TRPS1: variants seen among roughly 807,000 people sequenced by gnomAD.
TRPS1 encodes the protein zinc finger transcription factor Trps1.
TRPS1 carries 6 observed loss-of-function variants against 101.2 expected under a neutral mutation model. The ratio of observed to expected loss-of-function variants is 0.06; its 90% CI spans 0.03 to 0.12. The LOEUF (loss-of-function observed/expected upper bound fraction) is 0.12, where lower values mean the gene tolerates loss of function less well. Ranked by LOEUF, TRPS1 falls within the 10% of genes least tolerant of loss-of-function variation. The probability of loss-of-function intolerance (pLI) is 1.00; values close to 1 mark genes in which losing one functional copy is unlikely to be tolerated. For synonymous variants in TRPS1, 578 were observed against 589.8 expected, an observed-to-expected ratio of 0.98 and a Z score of 0.29; for missense variants, 1,363 against 1,567.0, an observed-to-expected ratio of 0.87 and a Z score of 2.20.
chr8:115,460,321 C>T (rs1814137755), intron 5 of TRPS1, among the ~76,000 whole-genome samples: 1 of 152,008 alleles, frequency 6.6e-6, no homozygotes, highest in African/African-American at 2.4e-5. Context: ...CACACACACA[C>T]ACACCCCACA....
At chr8:115,636,640 G>A (rs1421200121) in intron 1 of TRPS1, among the ~76,000 whole-genome samples, 2 of 152,184 alleles carry the variant, frequency 1.3e-5, no homozygotes, top group African/African-American at 2.4e-5. Context: ...TTGGCTGGGC[G>A]TGGTGGCTCA....
chr8:115,534,992 A>AATATATATAGCATATATATAGC (rs903695939), intron 5 of TRPS1, among the ~76,000 whole-genome samples: 2 of 149,770 alleles, frequency 1.3e-5, no homozygotes, highest in Non-Finnish European at 3.0e-5. Context: ...TTGGCATATA[A>AATATATATAGCATATATATAGC]ATATATATAG....
chr8:115,631,650 GAT>G (rs1308186572), intron 1 of TRPS1, among the ~76,000 whole-genome samples: 7 of 147,432 alleles, frequency 4.7e-5, no homozygotes, highest in African/African-American at 1.9e-4. Flanking sequence ...TGGATGGATG[GAT>G]GGATGGATGG....
rs1330149860 is a variant in TRPS1 at position 115,410,386 on chromosome 8, A to G, written c.*3637T>C. On this transcript the variant is annotated 3_prime_UTR_variant, in exon 7 of 7. Transcript: ENST00000395715. Reference sequence around the variant, plus strand: ...GATACTTTTTTCCCTTCTCATTAATATTACCTTAGAAAAGAATCCCCATGC... The same window carrying G: ...GATACTTTTTTCCCTTCTCATTAATGTTACCTTAGAAAAGAATCCCCATGC... 1 of 152,500 alleles carries G rather than the reference A, an allele frequency of 6.6e-6. No individual in the cohort carries two copies. Among genetic ancestry groups the G allele is most frequent in the East Asian group, 1.9e-4 (1 of 5,176 alleles). 9.4% of individuals were successfully genotyped at this position (152,500 alleles called of 1,614,324 possible).
intron 5 of TRPS1, among the ~76,000 whole-genome samples, chr8:115,575,049 C>T (rs1029276666): frequency 2.0e-5 from 3 of 152,092 alleles, no homozygotes; most frequent in Admixed American, 6.6e-5. Flanking sequence ...GTGACCTATG[C>T]TTGCCAATAA....
rs1018572347 is a variant in TRPS1, at chr8:115,578,946, T to C, written c.2700+8055A>G. ...CCCAAGTATTTATTAGCAAACCATA[T>C]TGAACCAAAAGAGGCTATGCAATGG... On this transcript the variant is annotated intron_variant, in intron 5 of 6. Transcript: ENST00000395715. Among the ~76,000 whole-genome samples the C allele has an allele frequency of 1.1e-4, 16 of 152,186 alleles. No individual in the cohort carries two copies. The East Asian group carries it at 2.7e-3, about 26-fold the overall frequency.
chr8:115,551,378 T>C (rs1029587497), intron 5 of TRPS1, among the ~76,000 whole-genome samples: 2 of 152,112 alleles, frequency 1.3e-5, no homozygotes, highest in African/African-American at 4.8e-5. Flanking sequence ...TTGCTCAAGT[T>C]GTGATAAATA....
chr8:115,629,078 G>C (rs1182990907), intron 1 of TRPS1, among the ~76,000 whole-genome samples: 1 of 151,698 alleles, frequency 6.6e-6, no homozygotes. Flanking sequence ...AGTGGGAAAG[G>C]CCACTCTAAG....
chr8:115,487,902 G>T (rs983113307), intron 5 of TRPS1, among the ~76,000 whole-genome samples: 1 of 152,204 alleles, frequency 6.6e-6, no homozygotes, highest in Non-Finnish European at 1.5e-5. Flanking sequence ...CAAAGAAGAG[G>T]TAGGGTTTGA....
chr8:115,619,292 T>C lies in TRPS1; in HGVS notation c.806A>G (p.Gln269Arg), dbSNP rs565046098. The stretch of plus-strand genomic sequence containing the variant: ...GATTTTGCTGTCCAGCTCAGCATCT[T>C]GCCTGGTGCGGTTATGCAGTCCTAA... ...YHLGLHNRTR[Q>R]DAELDSKILA... Residue 269 changes from glutamine (Q) to arginine (R), a missense_variant, in exon 3 of 7, where the codon CAA (glutamine) becomes CGA (arginine). Around this residue, in one of 5 missense-constraint regions of TRPS1, gnomAD observed 1,020 missense variants for 1,073.0 expected, o/e 0.95. Coordinates refer to ENST00000395715, the MANE Select transcript of TRPS1 (RefSeq NM_014112.5). 3.1e-6 allele frequency: 5 copies of C among 1,614,128 alleles called. No homozygotes were observed. Among genetic ancestry groups the C allele is most frequent in the African/African-American group, 1.3e-5 (1 of 75,056 alleles).
chr8:115,606,396 A>G (rs2130498171), intron 3 of TRPS1, among the ~76,000 whole-genome samples: 1 of 152,340 alleles, frequency 6.6e-6, no homozygotes, highest in East Asian at 1.9e-4. Context: ...AGAAATGTGC[A>G]TTAATATATA....
At chr8:115,631,860 C>T (rs1169044078) in intron 1 of TRPS1, among the ~76,000 whole-genome samples, 6 of 152,044 alleles carry the variant, frequency 3.9e-5, no homozygotes, top group Non-Finnish European at 5.9e-5. Flanking sequence ...CTCCTTATTT[C>T]GGCTGAAAAA....
intron 5 of TRPS1, among the ~76,000 whole-genome samples, chr8:115,456,223 A>G (rs1179775468): frequency 6.6e-6 from 1 of 152,198 alleles, no homozygotes; most frequent in Non-Finnish European, 1.5e-5. Flanking sequence ...TATAAAGTGG[A>G]GAAGTAAAAA....
chr8:115,513,703 GA>G (rs11345816), intron 5 of TRPS1, among the ~76,000 whole-genome samples: 151,522 of 151,522 alleles, frequency 1, 75,761 homozygotes, highest in Non-Finnish European at 1. Context: ...ATTTACTATA[GA>G]AAAAGGTTTG....
chr8:115,630,006 A>AC (rs1586474990), intron 1 of TRPS1, among the ~76,000 whole-genome samples: 1 of 151,868 alleles, frequency 6.6e-6, no homozygotes, highest in East Asian at 1.9e-4. Flanking sequence ...GCATTATTTT[A>AC]CCCCCAAAGA....
intron 5 of TRPS1, among the ~76,000 whole-genome samples, chr8:115,571,973 A>G (rs1319748827): frequency 1.3e-5 from 2 of 152,046 alleles, no homozygotes; most frequent in African/African-American, 2.4e-5. Context: ...ATATATTTAT[A>G]TATTTAAAAG....
At chr8:115,538,341 T>G (rs1816370510) in intron 5 of TRPS1, among the ~76,000 whole-genome samples, 1 of 152,228 alleles carries the variant, frequency 6.6e-6, no homozygotes, top group East Asian at 1.9e-4. Flanking sequence ...CTGTATATTA[T>G]TGCATAGTTA....
intron 5 of TRPS1, among the ~76,000 whole-genome samples, chr8:115,489,294 C>T (rs1814963378): frequency 1.3e-5 from 2 of 152,156 alleles, no homozygotes; most frequent in Admixed American, 1.3e-4. Flanking sequence ...TCCCATTATA[C>T]CAAACCAAAA....
rs1203868973 is a variant in TRPS1 at position 115,668,859 on chromosome 8, G to A, written c.-436C>T. On this transcript the variant is annotated 5_prime_UTR_variant, in exon 1 of 7. Transcript: ENST00000395715. ...AGGAAGGCGAGAGAGCAATCGAGAG[G>A]ACGCGAGGTCTGGAGAAACCAGCAG... 1 of 150,876 alleles carries A rather than the reference G, an allele frequency of 6.6e-6. No individual in the cohort carries two copies. The highest frequency in any genetic ancestry group is 1.9e-4 in the East Asian group (1 of 5,160). The allele number at this position is 150,876 out of a possible 1,614,324, so 9.3% of individuals were successfully genotyped here. A position where few individuals can be genotyped will look rare whatever the true frequency, so the allele number is the denominator to read the frequency against.
Sources: allele counts gnomAD v4.1 joint callset (sites outside exome capture counted in the v4.1 genomes callset), GRCh38; gene constraint gnomAD v4.1.1; regional missense constraint gnomAD v4.1.1; transcripts MANE v1.5; gene names NCBI Gene and HGNC (gene_info 2026-07-23, HGNC 2026-07-21).